The following TRIM24 variants were observed in gnomAD, a reference collection of about 807,000 sequenced individuals.
The protein encoded by TRIM24 is tripartite motif containing 24.
Under a neutral mutation model 123.9 loss-of-function variants are expected in TRIM24, and 29 were observed. The ratio of observed to expected loss-of-function variants is 0.23; its 90% confidence interval spans 0.17 to 0.32. The LOEUF is 0.32. TRIM24 is among the 10% of genes least tolerant of loss of function. The pLI is 1.00. For synonymous variants in TRIM24, 456 were observed against 461.1 expected, an observed-to-expected ratio of 0.99 and a Z score of 0.14; for missense variants, 932 against 1,295.3, an observed-to-expected ratio of 0.72 and a Z score of 4.31.
intron 1 of TRIM24, among the ~76,000 whole-genome samples, chr7:138,472,390 C>A (rs1446445496): frequency 6.6e-6 from 1 of 151,914 alleles, no homozygotes; most frequent in Non-Finnish European, 1.5e-5. Context: ...GACACACTTT[C>A]TCTTGTGAAT....
At chr7:138,560,661 T>C (rs1386243663) in intron 9 of TRIM24, among the ~76,000 whole-genome samples, 2 of 152,222 alleles carry the variant, frequency 1.3e-5, no homozygotes, top group Non-Finnish European at 2.9e-5. Flanking sequence ...GTTTTCCTTA[T>C]TATATGAGTT....
chr7:138,491,236 CTT>C (rs1162463010), intron 1 of TRIM24: 1 of 240,486 alleles, frequency 4.2e-6, no homozygotes, highest in Admixed American at 4.1e-5. Context: ...TGATTAGTGT[CTT>C]TCTGATATTT....
At chr7:138,543,095 C>T (rs1435070011) in intron 7 of TRIM24, among the ~76,000 whole-genome samples, 2 of 152,160 alleles carry the variant, frequency 1.3e-5, no homozygotes, top group Non-Finnish European at 2.9e-5. Flanking sequence ...AGCATTCCGT[C>T]AATCTCCTTA....
At chr7:138,576,576 A>G (rs1797764948) in intron 13 of TRIM24, 131 bp downstream of exon 13, 1 of 325,382 alleles carries the variant, frequency 3.1e-6, no homozygotes, top group Admixed American at 5.0e-5. Context: ...AATTTTAATA[A>G]CTACTATATA....
chr7:138,485,783 G>T (rs928269464), intron 1 of TRIM24, among the ~76,000 whole-genome samples: 9 of 152,132 alleles, frequency 5.9e-5, no homozygotes, highest in Non-Finnish European at 1.0e-4. Context: ...CCTGTTGTCA[G>T]TAGTGCCACA....
At chr7:138,522,504 A>C (rs1229078789) in intron 4 of TRIM24, among the ~76,000 whole-genome samples, 1 of 152,214 alleles carries the variant, frequency 6.6e-6, no homozygotes, top group Non-Finnish European at 1.5e-5. Context: ...TATATTTGGA[A>C]ATGAAATTCT....
intron 6 of TRIM24, among the ~76,000 whole-genome samples, chr7:138,531,241 G>A (rs912633880): frequency 2.7e-5 from 4 of 146,098 alleles, no homozygotes; most frequent in Admixed American, 6.8e-5. Flanking sequence ...CATGTTACAC[G>A]TTACATGTTA....
chr7:138,570,709 A>C, intron 10 of TRIM24, 121 bp from the exon 11 acceptor site: 35 of 935,866 alleles, frequency 3.7e-5, no homozygotes, highest in Non-Finnish European at 5.3e-5. Flanking sequence ...TTGCTGTCCC[A>C]TTCTCCTTCC....
At chr7:138,536,087 C>T (rs1317974640) in intron 6 of TRIM24, among the ~76,000 whole-genome samples, 2 of 152,186 alleles carry the variant, frequency 1.3e-5, no homozygotes, top group Non-Finnish European at 2.9e-5. Flanking sequence ...TAGGACTTCT[C>T]TACACTGGTT....
chr7:138,460,500 C>A lies in TRIM24; in HGVS notation c.-49C>A. 1 of 1,256,342 alleles carries A rather than the reference C, an allele frequency of 8.0e-7. No individual in the cohort carries two copies. Among genetic ancestry groups the A allele is most frequent in the Non-Finnish European group, 1.0e-6 (1 of 1,004,712 alleles). 77.8% of individuals were successfully genotyped at this position (1,256,342 alleles called of 1,614,324 possible). Reference sequence around the variant, plus strand: ...AGGAGGAGGAGGTCGTCGGGGGCGGCGGGCGGAGACCGCGCTCTCGCTTCC... The same window carrying A: ...AGGAGGAGGAGGTCGTCGGGGGCGGAGGGCGGAGACCGCGCTCTCGCTTCC... On this transcript the variant is annotated 5_prime_UTR_variant, in exon 1 of 19. Coordinates refer to ENST00000343526, the MANE Select transcript of TRIM24 (RefSeq NM_015905.3).
chr7:138,532,725 A>G (rs1394887524), intron 6 of TRIM24, among the ~76,000 whole-genome samples: 2 of 152,216 alleles, frequency 1.3e-5, no homozygotes, highest in East Asian at 3.8e-4. Context: ...TGAACTTGAA[A>G]ATAGTTTTCT....
At chr7:138,525,467 A>G (rs1159187100) in intron 5 of TRIM24, 110 bp downstream of exon 5, 7 of 489,776 alleles carry the variant, frequency 1.4e-5, no homozygotes, top group East Asian at 7.2e-5. Context: ...GATGACTGCA[A>G]TAACACATGA....
intron 6 of TRIM24, among the ~76,000 whole-genome samples, chr7:138,529,691 A>G (rs1484820567): frequency 6.6e-6 from 1 of 152,212 alleles, no homozygotes; most frequent in Non-Finnish European, 1.5e-5. Context: ...TTGCGAGAGC[A>G]GCACTTAGGG....
chr7:138,545,950 G>A (rs1417824818), intron 7 of TRIM24, among the ~76,000 whole-genome samples: 1 of 152,182 alleles, frequency 6.6e-6, no homozygotes. Context: ...TTATTTGGGG[G>A]AGAAGTTGAT....
chr7:138,489,264 C>T (rs1198675572), intron 1 of TRIM24, among the ~76,000 whole-genome samples: 4 of 151,970 alleles, frequency 2.6e-5, no homozygotes, highest in African/African-American at 4.8e-5. Flanking sequence ...ATGGGTCTCC[C>T]GAATATAGCA....
chr7:138,563,383 C>T (rs1284512524), intron 9 of TRIM24, among the ~76,000 whole-genome samples: 1 of 152,192 alleles, frequency 6.6e-6, no homozygotes, highest in East Asian at 1.9e-4. Context: ...TATCTAACCT[C>T]AGCCGGCTTT....
At chr7:138,495,516 C>A (rs75558986) in intron 1 of TRIM24, among the ~76,000 whole-genome samples, 2 of 152,072 alleles carry the variant, frequency 1.3e-5, no homozygotes, top group African/African-American at 4.8e-5. Context: ...AACAGGCCTA[C>A]TTTTGTCTTT....
rs71541395 is a variant in TRIM24 at position 138,528,324 on chromosome 7, T to A, written c.882-792T>A. On this transcript the variant is annotated intron_variant, in intron 5 of 18. Transcript: ENST00000343526. ...GAGAAAGAAAAATAAAGAAAATTTG[T>A]TTTTTTCTTCTCCCCATGTTGGGGG... Among the ~76,000 whole-genome samples the A allele has an allele frequency of 4.3e-3, 649 of 152,212 alleles. 6 individuals are homozygous for A. The highest frequency in any genetic ancestry group is 0.015 in the African/African-American group (634 of 41,516).
At chr7:138,500,977 A>AC (rs1796026084) in intron 1 of TRIM24, among the ~76,000 whole-genome samples, 1 of 152,040 alleles carries the variant, frequency 6.6e-6, no homozygotes, top group African/African-American at 2.4e-5. Flanking sequence ...TAAAAAAAAA[A>AC]AGGTACACCT....
Sources: allele counts gnomAD v4.1 joint callset (sites outside exome capture counted in the v4.1 genomes callset), GRCh38; gene constraint gnomAD v4.1.1; transcripts MANE v1.5; gene names NCBI Gene and HGNC (gene_info 2026-07-23, HGNC 2026-07-21).